Variants in SPAG1 observed in about 807,000 individuals in gnomAD.
SPAG1 encodes sperm-associated antigen 1.
SPAG1 carries 69 observed loss-of-function variants against 100.5 expected under a neutral mutation model. The observed-to-expected ratio is 0.69, with a 90% CI of 0.57 to 0.84. SPAG1 has a LOEUF of 0.84. Among genes scored for constraint, SPAG1 ranks in the 40% least tolerant of loss-of-function variants. The pLI, the probability that SPAG1 is intolerant of heterozygous loss-of-function variation, is 0.00. For missense variants in SPAG1, 955 were observed against 1,133.1 expected (o/e 0.84, Z 2.26); for synonymous variants, 336 against 411.6 (o/e 0.82, Z 2.22).
rs115290191 is a variant in SPAG1 at position 100,214,555 on chromosome 8, C to A, written c.1535+637C>A. The stretch of plus-strand genomic sequence containing the variant: ...CTGACACTCGGTCACACCTCTAAGT[C>A]CTGTTATCCACTGAAGGGGGTTTAA... On this transcript the variant is annotated intron_variant, in intron 12 of 18. Transcript: ENST00000388798. Among the ~76,000 whole-genome samples the A allele has an allele frequency of 4.1e-3, 626 of 152,300 alleles. 5 individuals are homozygous for A. Among genetic ancestry groups the A allele is most frequent in the African/African-American group, 0.014 (582 of 41,548 alleles).
intron 12 of SPAG1, 118 bp from the exon 13 acceptor site, chr8:100,220,161 A>G: frequency 1.3e-6 from 1 of 789,076 alleles, no homozygotes; most frequent in Non-Finnish European, 1.9e-6. Flanking sequence ...GGTTCCCAAG[A>G]CGAAGTCTCG....
intron 4 of SPAG1, among the ~76,000 whole-genome samples, chr8:100,179,662 G>A (rs1054544934): frequency 6.6e-6 from 1 of 152,148 alleles, no homozygotes; most frequent in Non-Finnish European, 1.5e-5. Flanking sequence ...ATGAAGCAAG[G>A]CAGGCACCAC....
At position 100,183,814 on chromosome 8, in the gene SPAG1, A is replaced by C. The variant is rs1816468550; in HGVS notation, c.489-142A>C. ...TGTATGTTTTCTTAAGAAGGAACTCAGATGACTTGAACTATTAACTTACTA... is the reference window on the plus strand; with the variant it reads ...TGTATGTTTTCTTAAGAAGGAACTCCGATGACTTGAACTATTAACTTACTA... On this transcript the variant is annotated intron_variant, in intron 5 of 18. Transcript: ENST00000388798. The C allele has an allele frequency of 1.1e-5, 6 of 531,968 alleles. No individual in the cohort carries two copies. In the East Asian group the frequency reaches 2.1e-4, roughly 19 times the overall value. The allele number at this position is 531,968 out of a possible 1,614,324, so 33.0% of individuals were successfully genotyped here.
At chr8:100,216,541 C>T (rs1817993898) in intron 12 of SPAG1, among the ~76,000 whole-genome samples, 1 of 152,138 alleles carries the variant, frequency 6.6e-6, no homozygotes, top group African/African-American at 2.4e-5. Context: ...GGAGATGGCT[C>T]ACCAGAGAGG....
At chr8:100,220,224 A>G in intron 12 of SPAG1, 55 bp from the exon 13 acceptor site, 1 of 1,481,218 alleles carries the variant, frequency 6.8e-7, no homozygotes, top group Non-Finnish European at 9.3e-7. Context: ...AGTGAAGTAT[A>G]AACGAAAGAG....
At chr8:100,184,971 A>G (rs1215869424) in intron 7 of SPAG1, among the ~76,000 whole-genome samples, 2 of 152,202 alleles carry the variant, frequency 1.3e-5, no homozygotes, top group Non-Finnish European at 2.9e-5. Flanking sequence ...TTGCAGAGAA[A>G]ATAGAAGGCA....
intron 4 of SPAG1, among the ~76,000 whole-genome samples, chr8:100,181,643 G>A (rs1396824503): frequency 6.6e-6 from 1 of 152,204 alleles, no homozygotes; most frequent in Non-Finnish European, 1.5e-5. Context: ...GGAAGCCCCG[G>A]CCTTCCTTGG....
intron 13 of SPAG1, 149 bp downstream of exon 13, chr8:100,220,580 G>T (rs887447158): frequency 2.4e-5 from 16 of 659,478 alleles, no homozygotes; most frequent in African/African-American, 1.1e-4. Flanking sequence ...TACATCAAAT[G>T]GTTCTCTCCC....
At chr8:100,160,542 G>A (rs763271205) in intron 1 of SPAG1, among the ~76,000 whole-genome samples, 1 of 150,596 alleles carries the variant, frequency 6.6e-6, no homozygotes, top group Admixed American at 6.7e-5. Context: ...CAGGAGAATC[G>A]CTTGAACCCA....
chr8:100,234,321 C>T (rs921583681), intron 16 of SPAG1, among the ~76,000 whole-genome samples: 2 of 151,782 alleles, frequency 1.3e-5, no homozygotes, highest in Non-Finnish European at 1.5e-5. Context: ...ATATCCCAAT[C>T]GAGATAAAGA....
intron 2 of SPAG1, chr8:100,165,087 G>A (rs1302157425): frequency 3.0e-6 from 1 of 335,144 alleles, no homozygotes; most frequent in Admixed American, 4.3e-5. Flanking sequence ...ACAACAAACA[G>A]GGACAGATGA....
chr8:100,163,064 A>G (rs1020920377), intron 2 of SPAG1, among the ~76,000 whole-genome samples: 16 of 152,162 alleles, frequency 1.1e-4, no homozygotes, highest in African/African-American at 3.6e-4. Context: ...CCTGACAACA[A>G]GGGAGGGTGA....
At chr8:100,219,033 C>A (rs1026532436) in intron 12 of SPAG1, among the ~76,000 whole-genome samples, 6 of 152,148 alleles carry the variant, frequency 3.9e-5, no homozygotes, top group African/African-American at 9.7e-5. Flanking sequence ...AAAGAACTGA[C>A]CTGTGGGCAT....
Position 100,213,355 on chromosome 8 carries a change from G to A in SPAG1, c.1362G>A (p.Glu454=). 2 of 1,426,440 alleles carry A rather than the reference G, an allele frequency of 1.4e-6. No homozygotes were observed. The highest frequency in any genetic ancestry group is 1.8e-6 in the Non-Finnish European group (2 of 1,086,048). The allele number at this position is 1,426,440 out of a possible 1,614,324, so 88.4% of individuals were successfully genotyped here. The change falls in exon 11 of 19, where the codon GAG becomes GAA. Residue 454 remains glutamate, a synonymous_variant. Transcript: ENST00000388798. ...CCGGCCTGAAGAGCCAGGGCAACGA[G>A]CTGTTCCGAAGCGGGCAGTTCGCCG... is the stretch of plus-strand genomic sequence containing the variant. ...NPAGLKSQGN[E]LFRSGQFAEA... is the part of the protein sequence containing the mutation.
At chr8:100,200,114 A>G (rs1179770980) in intron 10 of SPAG1, among the ~76,000 whole-genome samples, 1 of 152,106 alleles carries the variant, frequency 6.6e-6, no homozygotes, top group Admixed American at 6.6e-5. Flanking sequence ...ACCCCATGAC[A>G]GGCCCCGGTG....
chr8:100,186,322 C>T (rs574543520), intron 7 of SPAG1, among the ~76,000 whole-genome samples: 6 of 152,160 alleles, frequency 3.9e-5, no homozygotes, highest in East Asian at 1.9e-4. Context: ...GCTGTCACCT[C>T]GGTCTCCCAA....
intron 3 of SPAG1, among the ~76,000 whole-genome samples, chr8:100,167,058 AGTG>A (rs1815592922): frequency 6.6e-6 from 1 of 151,956 alleles, no homozygotes; most frequent in African/African-American, 2.4e-5. Context: ...AGCCAGGTGC[AGTG>A]GTGTGTGCCT....
At chr8:100,183,250 G>A (rs754735398) in intron 4 of SPAG1, 125 bp from the exon 5 acceptor site, 19 of 508,704 alleles carry the variant, frequency 3.7e-5, no homozygotes, top group Non-Finnish European at 5.4e-5. Flanking sequence ...TGGGATTACA[G>A]GCGTGAGTCC....
rs1028380736 is a variant in SPAG1, at chr8:100,217,757, G to C, written c.1536-2522G>C. On this transcript the variant is annotated intron_variant, in intron 12 of 18. Transcript: ENST00000388798. Reference sequence around the variant, plus strand: ...ACTAAATACAAATGAATGTTGCCTAGTAATTCTCTCCTTTTTCGTTTTTCT... The same window carrying C: ...ACTAAATACAAATGAATGTTGCCTACTAATTCTCTCCTTTTTCGTTTTTCT... Among the ~76,000 whole-genome samples, 3 of 152,000 alleles carry C rather than the reference G, an allele frequency of 2.0e-5. No homozygotes were observed. The East Asian group carries it at 5.8e-4, about 29-fold the overall frequency.
Sources: allele counts gnomAD v4.1 joint callset (sites outside exome capture counted in the v4.1 genomes callset), GRCh38; gene constraint gnomAD v4.1.1; transcripts MANE v1.5; gene names NCBI Gene and HGNC (gene_info 2026-07-23, HGNC 2026-07-21).